Variants in SLC35B4 observed in about 807,000 individuals in gnomAD.
SLC35B4 encodes the protein nucleotide sugar transporter SLC35B4.
SLC35B4 carries 28 observed loss-of-function variants against 39.5 expected under a neutral mutation model. The ratio of observed to expected loss-of-function variants is 0.71; its 90% CI spans 0.53 to 0.97. SLC35B4 has a LOEUF of 0.97. Ranked by LOEUF, SLC35B4 falls within the 50% of genes least tolerant of loss-of-function variation. The pLI is 0.00. For synonymous variants in SLC35B4, 145 were observed against 150.4 expected (o/e 0.96, Z 0.26); for missense variants, 334 against 414.3 (o/e 0.81, Z 1.68).
At chr7:134,300,300 G>A in intron 6 of SLC35B4, 39 bp from the exon 7 acceptor site, 1 of 1,421,558 alleles carries the variant, frequency 7.0e-7, no homozygotes, top group Non-Finnish European at 9.7e-7. Context: ...GTCTGCATTT[G>A]TTCATTTCCA....
At position 134,293,902 on chromosome 7, in the gene SLC35B4, C is replaced by T. The variant is rs1280867825; in HGVS notation, c.*931G>A. On this transcript the variant is annotated 3_prime_UTR_variant, in exon 10 of 10. Coordinates refer to ENST00000378509, the MANE Select transcript of SLC35B4 (RefSeq NM_032826.5). ...TCATCTCCCGGGTTCAAGTGATTCT[C>T]CTGCCTCAGCCTCCCAAGTAGCTGG... 1 of 152,220 alleles carries T rather than the reference C, an allele frequency of 6.6e-6. No homozygotes were observed. Among genetic ancestry groups the T allele is most frequent in the Non-Finnish European group, 1.5e-5 (1 of 68,278 alleles). The allele number at this position is 152,220 out of a possible 1,614,324, so 9.4% of individuals were successfully genotyped here.
chr7:134,313,328 A>G (rs957068862), intron 1 of SLC35B4, among the ~76,000 whole-genome samples: 6 of 152,256 alleles, frequency 3.9e-5, no homozygotes, highest in Non-Finnish European at 8.8e-5. Context: ...AATTGGGCAG[A>G]TCGTTTATGC....
upstream of SLC35B4, among the ~76,000 whole-genome samples, chr7:134,318,087 A>G (rs937184310): frequency 2.0e-5 from 3 of 148,754 alleles, no homozygotes; most frequent in African/African-American, 7.4e-5. Flanking sequence ...GAGATCTACA[A>G]AATAGTTTGG....
chr7:134,295,503 T>C (rs1803443606), intron 9 of SLC35B4, among the ~76,000 whole-genome samples: 1 of 152,204 alleles, frequency 6.6e-6, no homozygotes, highest in South Asian at 2.1e-4. Flanking sequence ...TTCGTTTCAC[T>C]ATTTCAAAGA....
At chr7:134,296,835 A>G (rs1176418367) in intron 8 of SLC35B4, among the ~76,000 whole-genome samples, 1 of 152,252 alleles carries the variant, frequency 6.6e-6, no homozygotes, top group Non-Finnish European at 1.5e-5. Flanking sequence ...TACTGTTTGG[A>G]AGTATGTTCA....
At chr7:134,297,922 T>G (rs961846173) in intron 8 of SLC35B4, among the ~76,000 whole-genome samples, 4 of 152,128 alleles carry the variant, frequency 2.6e-5, no homozygotes, top group East Asian at 1.9e-4. Flanking sequence ...TATGTTAGCT[T>G]TATATAATGA....
intron 1 of SLC35B4, among the ~76,000 whole-genome samples, chr7:134,313,546 C>T (rs1215953910): frequency 2.6e-5 from 4 of 152,162 alleles, no homozygotes; most frequent in Non-Finnish European, 5.9e-5. Context: ...TCAAGGCACT[C>T]GTCCATTACT....
chr7:134,301,826 GA>G lies in SLC35B4; in HGVS notation c.427-6del. ...ACTCAAGCTGGACTGGGAAGTCTAG[GA>G]AATAAGAAAATAAACTAGGTACAGA... is the stretch of plus-strand genomic sequence containing the variant. On this transcript the variant is annotated splice_polypyrimidine_tract_variant and splice_region_variant and intron_variant, in intron 5 of 9. Coordinates refer to ENST00000378509, the MANE Select transcript of SLC35B4 (RefSeq NM_032826.5). 2 of 1,613,808 alleles carry G rather than the reference GA, an allele frequency of 1.2e-6. No homozygotes were observed. Among genetic ancestry groups the G allele is most frequent in the Non-Finnish European group, 1.7e-6 (2 of 1,179,818 alleles).
chr7:134,295,593 C>CT (rs1011561806), intron 9 of SLC35B4, among the ~76,000 whole-genome samples: 206 of 146,400 alleles, frequency 1.4e-3, no homozygotes, highest in South Asian at 2.6e-3. Flanking sequence ...TTTGAAATTT[C>CT]TTTTTTTTTT....
chr7:134,298,045 T>C (rs994460786), intron 8 of SLC35B4, among the ~76,000 whole-genome samples: 3 of 152,256 alleles, frequency 2.0e-5, no homozygotes, highest in Admixed American at 1.3e-4. Context: ...TTTTGAATTA[T>C]ACAGCATAAT....
chr7:134,302,033 T>C lies in SLC35B4; in HGVS notation c.422A>G (p.Gln141Arg). The change falls in exon 5 of 10, where the codon CAG becomes CGG. Residue 141 changes from glutamine (Q) to arginine (R), a missense_variant. Coordinates refer to ENST00000378509, the MANE Select transcript of SLC35B4 (RefSeq NM_032826.5). ...IFICTFMSAK[Q>R]VTSQSSLSEN... ...AATAATTTGTGAGCTTCTTACCACC[T>C]GCTTTGCTGACATAAAAGTGCAAAT... 1 of 1,613,702 alleles carries C rather than the reference T, an allele frequency of 6.2e-7. No homozygotes were observed. Among genetic ancestry groups the C allele is most frequent in the Middle Eastern group, 1.7e-4 (1 of 6,060 alleles).
intron 1 of SLC35B4, among the ~76,000 whole-genome samples, chr7:134,311,412 T>A (rs2117316634): frequency 6.6e-6 from 1 of 152,266 alleles, no homozygotes; most frequent in African/African-American, 2.4e-5. Flanking sequence ...TCCCAGCACT[T>A]TGGGAGGCTA....
upstream of SLC35B4, chr7:134,317,169 C>G (rs1460693931): frequency 5.5e-6 from 1 of 182,952 alleles, no homozygotes; most frequent in East Asian, 1.6e-4. Flanking sequence ...TCTTGCGAGA[C>G]CGCCCAGAGC....
intron 4 of SLC35B4, among the ~76,000 whole-genome samples, chr7:134,302,946 C>T (rs1297959434): frequency 6.6e-6 from 1 of 151,902 alleles, no homozygotes; most frequent in Non-Finnish European, 1.5e-5. Context: ...CAGGTACGAG[C>T]GGAGGTACGG....
chr7:134,317,256 G>C (rs1291612790), upstream of SLC35B4, among the ~76,000 whole-genome samples: 1 of 152,234 alleles, frequency 6.6e-6, no homozygotes, highest in East Asian at 1.9e-4. Flanking sequence ...AGCTGTGACT[G>C]CTCGTTGGAG....
At chr7:134,311,461 G>C (rs959821016) in intron 1 of SLC35B4, among the ~76,000 whole-genome samples, 3 of 152,124 alleles carry the variant, frequency 2.0e-5, no homozygotes, top group Admixed American at 2.0e-4. Flanking sequence ...TTCGAGACCA[G>C]CTTGGCCAAC....
chr7:134,309,255 A>G, intron 2 of SLC35B4, 111 bp downstream of exon 2: 2 of 597,788 alleles, frequency 3.3e-6, no homozygotes, highest in Non-Finnish European at 2.8e-6. Context: ...TTCTACTGGT[A>G]TCTTTGAAAT....
At position 134,302,105 on chromosome 7, in the gene SLC35B4, C is replaced by T; in HGVS notation, c.350G>A (p.Ser117Asn). 1.9e-6 allele frequency: 3 copies of T among 1,607,812 alleles called. No individual in the cohort carries two copies. Among genetic ancestry groups the T allele is most frequent in the South Asian group, 1.1e-5 (1 of 89,062 alleles). ...LGIIILKKRY[S>N]IFKYTSIALV... ...GGCAATGGAGGTATATTTGAATATACTGTATCTGCAAAAAAGAAAAAAAAG... is the reference window on the plus strand; with the variant it reads ...GGCAATGGAGGTATATTTGAATATATTGTATCTGCAAAAAAGAAAAAAAAG... The change falls in exon 5 of 10, where the codon AGT (serine) becomes AAT (asparagine). Residue 117 changes from serine to asparagine, a missense_variant. By Grantham distance (46) the Ser-to-Asn change is conservative (BLOSUM62 1). Coordinates refer to ENST00000378509, the MANE Select transcript of SLC35B4 (RefSeq NM_032826.5).
At chr7:134,300,961 G>A (rs1000571595) in intron 6 of SLC35B4, among the ~76,000 whole-genome samples, 1 of 152,100 alleles carries the variant, frequency 6.6e-6, no homozygotes, top group Non-Finnish European at 1.5e-5. Context: ...AGACTAGTGA[G>A]GCTGAACCTA....
Sources: allele counts gnomAD v4.1 joint callset (sites outside exome capture counted in the v4.1 genomes callset), GRCh38; gene constraint gnomAD v4.1.1; transcripts MANE v1.5; gene names NCBI Gene and HGNC (gene_info 2026-07-23, HGNC 2026-07-21).